SEMA4A: variants seen among roughly 807,000 people sequenced by gnomAD.
SEMA4A encodes the protein semaphorin-4A.
Under a neutral mutation model 72.5 loss-of-function variants are expected in SEMA4A, and 52 were observed. That is an observed-to-expected ratio of 0.72 (90% CI 0.57 to 0.90). The LOEUF (loss-of-function observed/expected upper bound fraction) is 0.90, where lower values mean the gene tolerates loss of function less well. SEMA4A is among the 40% of genes least tolerant of loss of function. The probability of loss-of-function intolerance (pLI) is 0.00; values close to 1 mark genes in which losing one functional copy is unlikely to be tolerated. For synonymous variants in SEMA4A, 369 were observed against 393.1 expected, an observed-to-expected ratio of 0.94 and a Z score of 0.73; for missense variants, 926 against 959.7, an observed-to-expected ratio of 0.96 and a Z score of 0.46.
In SEMA4A at chr1:156,157,657, G is replaced by A. The variant is rs1653166058; in HGVS notation, c.301-413G>A. On this transcript the variant is annotated intron_variant, in intron 3 of 14. Coordinates refer to ENST00000368285, the MANE Select transcript of SEMA4A (RefSeq NM_022367.4). The surrounding 1 kb of genome is among the most constrained non-coding windows in gnomAD (Gnocchi z 4.5). ...GTTAAAAATGCAGATTCTCTAAGGC[G>A]TGACCCAGGAACCAACTTGTTAAAC... 6.6e-6 allele frequency among the ~76,000 whole-genome samples: 1 copy of A among 152,196 alleles called. No individual in the cohort carries two copies. The highest frequency in any genetic ancestry group is 2.4e-5 in the African/African-American group (1 of 41,440).
intron 2 of SEMA4A, 47 bp downstream of exon 2, chr1:156,154,764 G>C: frequency 6.4e-7 from 1 of 1,555,736 alleles, no homozygotes; most frequent in Non-Finnish European, 8.7e-7. Context: ...TAGAGAGCTG[G>C]AGGTGGGTGG....
intron 10 of SEMA4A, among the ~76,000 whole-genome samples, chr1:156,168,079 G>T (rs1654348058): frequency 6.6e-6 from 1 of 150,446 alleles, no homozygotes; most frequent in Admixed American, 6.6e-5. Context: ...CGCCGCCACA[G>T]CACCCAGCTA....
intron 10 of SEMA4A, among the ~76,000 whole-genome samples, chr1:156,167,264 G>T (rs1654250812): frequency 6.6e-6 from 1 of 152,004 alleles, no homozygotes; most frequent in Non-Finnish European, 1.5e-5. Context: ...TGAGGTGGAA[G>T]GATTGTTTGA....
intron 10 of SEMA4A, among the ~76,000 whole-genome samples, chr1:156,166,458 C>T (rs1038129011): frequency 1.3e-5 from 2 of 152,172 alleles, no homozygotes; most frequent in Non-Finnish European, 2.9e-5. Context: ...GCTTACATTC[C>T]AATGGGGTGT....
chr1:156,171,907 C>G (rs1654820972), intron 10 of SEMA4A, among the ~76,000 whole-genome samples: 1 of 150,744 alleles, frequency 6.6e-6, no homozygotes, highest in Non-Finnish European at 1.5e-5. Context: ...TCTCGCCTTC[C>G]CGAGTAGCTG....
chr1:156,173,708 T>C (rs564613603), intron 11 of SEMA4A, among the ~76,000 whole-genome samples: 18 of 152,164 alleles, frequency 1.2e-4, no homozygotes, highest in African/African-American at 4.1e-4. Flanking sequence ...AGGGAGCTCT[T>C]ATTTGAAGGC....
upstream of SEMA4A, among the ~76,000 whole-genome samples, chr1:156,150,545 G>A (rs1251384216): frequency 6.6e-6 from 1 of 152,042 alleles, no homozygotes; most frequent in Non-Finnish European, 1.5e-5. Context: ...TGAAAGGGAG[G>A]AGGTGGGGGA....
chr1:156,172,099 T>C (rs1262630129), intron 10 of SEMA4A, among the ~76,000 whole-genome samples: 1 of 75,932 alleles, frequency 1.3e-5, no homozygotes, highest in Non-Finnish European at 2.5e-5. Flanking sequence ...TTTGTTTGTT[T>C]ATTTATTTAT....
Position 156,176,935 on chromosome 1 carries a change from TG to T in SEMA4A, c.2225del (p.Cys742SerfsTer15). The T allele has an allele frequency of 6.2e-7, 1 of 1,614,122 alleles. No individual in the cohort carries two copies. Among genetic ancestry groups the T allele is most frequent in the Non-Finnish European group, 8.5e-7 (1 of 1,180,044 alleles). The stretch of plus-strand genomic sequence containing the variant: ...GCAACACCTCCAGTCTCCCAAGGAA[TG>T]CAGGACCTCTGCCAGTGATGTGGAC... ...REQHLQSPKE[C>X]RTSASDVDAD... On this transcript the variant is annotated frameshift_variant, in exon 15 of 15. Transcript: ENST00000368285. LOFTEE classifies it high-confidence loss of function.
intron 6 of SEMA4A, 72 bp downstream of exon 6, chr1:156,158,896 CAG>C (rs1456252746): frequency 7.9e-5 from 105 of 1,336,030 alleles, no homozygotes; most frequent in Middle Eastern, 1.8e-4. Flanking sequence ...TGGAATATTA[CAG>C]AGTTTTCCAA....
chr1:156,167,011 C>T (rs912343280), intron 10 of SEMA4A, among the ~76,000 whole-genome samples: 25 of 151,954 alleles, frequency 1.6e-4, no homozygotes, highest in South Asian at 1.5e-3. Flanking sequence ...AGTGATCCTC[C>T]TACCTCAGCC....
At chr1:156,149,308 C>T (rs1421576267), upstream of SEMA4A, among the ~76,000 whole-genome samples, 2 of 152,188 alleles carry the variant, frequency 1.3e-5, no homozygotes, top group African/African-American at 4.8e-5. Flanking sequence ...CTATGTCCAT[C>T]TAGTCTAGAC....
At chr1:156,173,312 G>C (rs1309804318) in intron 11 of SEMA4A, among the ~76,000 whole-genome samples, 1 of 152,184 alleles carries the variant, frequency 6.6e-6, no homozygotes, top group Non-Finnish European at 1.5e-5. Context: ...TGGGTGGAGG[G>C]GAGCTGGAAA....
At chr1:156,162,205 G>C (rs6659312) in intron 9 of SEMA4A, among the ~76,000 whole-genome samples, 1 of 152,092 alleles carries the variant, frequency 6.6e-6, no homozygotes, top group African/African-American at 2.4e-5. Context: ...AGGTTGCAGT[G>C]AGCCAAGATC....
chr1:156,156,595 G>A, intron 3 of SEMA4A, 21 bp downstream of exon 3: 1 of 1,613,416 alleles, frequency 6.2e-7, no homozygotes, highest in South Asian at 1.1e-5. Context: ...CAGGGATAAA[G>A]AGTGTGGGCT....
Position 156,162,963 on chromosome 1 carries a change from A to G in SEMA4A, c.1003A>G (p.Ser335Gly). 6.2e-7 allele frequency: 1 copy of G among 1,613,874 alleles called. No individual in the cohort carries two copies. The highest frequency in any genetic ancestry group is 1.1e-5 in the South Asian group (1 of 91,070). ...CTCCAGGCAGGTTGGCGGGACCAGG[A>G]GCTCTGCGGTTTGTGCCTTCTCTCT... ...TSQWQVGGTRSSAVCAFSLLD... is the reference protein window; with the variant it reads ...TSQWQVGGTRGSAVCAFSLLD... Residue 335 changes from serine (S) to glycine (G), a missense_variant, in exon 10 of 15, where the codon AGC (serine) becomes GGC (glycine). Transcript: ENST00000368285.
intron 10 of SEMA4A, among the ~76,000 whole-genome samples, chr1:156,166,027 T>C (rs1229005326): frequency 1.3e-5 from 2 of 150,614 alleles, no homozygotes; most frequent in African/African-American, 4.9e-5. Flanking sequence ...CTGCCTCAGC[T>C]TCCCGAGTAG....
upstream of SEMA4A, among the ~76,000 whole-genome samples, chr1:156,151,107 G>C (rs1388864061): frequency 6.6e-6 from 1 of 152,212 alleles, no homozygotes; most frequent in African/African-American, 2.4e-5. Flanking sequence ...TGAGTACCCT[G>C]TCAGCCCTGA....
chr1:156,170,943 A>C (rs61523760), intron 10 of SEMA4A, among the ~76,000 whole-genome samples: 46,392 of 150,616 alleles, frequency 0.31, 7,945 homozygotes, highest in African/African-American at 0.47. Context: ...TAAAAAAAAA[A>C]CCCTTTGACC....
Sources: allele counts gnomAD v4.1 joint callset (sites outside exome capture counted in the v4.1 genomes callset), GRCh38; gene constraint gnomAD v4.1.1; non-coding constraint Gnocchi (gnomAD v3.1); transcripts MANE v1.5; gene names NCBI Gene and HGNC (gene_info 2026-07-23, HGNC 2026-07-21).